Variants in DBR1 observed in about 807,000 individuals in gnomAD.
The protein encoded by DBR1 is lariat debranching enzyme.
In DBR1, 33 loss-of-function variants were observed where a neutral mutation model predicts 45.9. The observed-to-expected ratio is 0.72, with a 90% CI of 0.55 to 0.96. The LOEUF (loss-of-function observed/expected upper bound fraction) is 0.96. Among genes scored for constraint, DBR1 ranks in the 40% least tolerant of loss-of-function variants. DBR1 has a pLI of 0.00. For missense variants in DBR1, 619 were observed against 667.4 expected, an observed-to-expected ratio of 0.93 and a Z score of 0.80; for synonymous variants, 235 against 235.9, an observed-to-expected ratio of 1.00 and a Z score of 0.04.
Position 138,162,195 on chromosome 3 carries a change from T to C in DBR1, c.1329A>G (p.Ala443=). Residue 443 remains alanine (A), a synonymous_variant, in exon 8 of 8, where the codon GCA becomes GCG. Coordinates refer to ENST00000260803, the MANE Select transcript of DBR1 (RefSeq NM_016216.4). ...CCGATGGTGTATTCATGCCACTATG[T>C]GCACTTACAATACTATCTTCATCTT... The part of the protein sequence containing the change: ...EEEDEDSIVS[A]HSGMNTPSVE... 2 of 1,614,176 alleles carry C rather than the reference T, an allele frequency of 1.2e-6. No individual in the cohort carries two copies. Among genetic ancestry groups the C allele is most frequent in the Non-Finnish European group, 1.7e-6 (2 of 1,180,052 alleles).
intron 3 of DBR1, among the ~76,000 whole-genome samples, chr3:138,171,081 G>A (rs1319809593): frequency 6.6e-6 from 1 of 152,118 alleles, no homozygotes; most frequent in Admixed American, 6.6e-5. Context: ...CAAAGACAGG[G>A]AGGGAAGAAA....
intron 4 of DBR1, 26 bp downstream of exon 4, chr3:138,170,081 T>A (rs970731225): frequency 1.7e-5 from 24 of 1,382,468 alleles, no homozygotes; most frequent in Non-Finnish European, 2.4e-5. Context: ...TGTTTTCAAG[T>A]CTGCTGTAAT....
chr3:138,169,881 C>T (rs569162700), intron 4 of DBR1, among the ~76,000 whole-genome samples: 1 of 151,752 alleles, frequency 6.6e-6, no homozygotes, highest in East Asian at 1.9e-4. Context: ...TGCAGTGAGC[C>T]GAGATCGCGC....
At chr3:138,166,737 G>A (rs941411015) in intron 5 of DBR1, among the ~76,000 whole-genome samples, 2 of 152,042 alleles carry the variant, frequency 1.3e-5, no homozygotes, top group Admixed American at 6.6e-5. Flanking sequence ...CTCAGACCTC[G>A]AGCCTCTGCA....
chr3:138,174,820 C>G lies in DBR1; in HGVS notation c.-25G>C. Reference sequence around the variant, plus strand: ...TTCTGCCGGCCTGAGGAGGTGAGCGCTGCCTGCAACGCCCTACACCACAGC... The same window carrying G: ...TTCTGCCGGCCTGAGGAGGTGAGCGGTGCCTGCAACGCCCTACACCACAGC... On this transcript the variant is annotated 5_prime_UTR_variant, in exon 1 of 8. Coordinates refer to ENST00000260803, the MANE Select transcript of DBR1 (RefSeq NM_016216.4). 1 of 1,600,238 alleles carries G rather than the reference C, an allele frequency of 6.2e-7. No homozygotes were observed.
At chr3:138,166,883 A>C (rs1559883043) in intron 5 of DBR1, among the ~76,000 whole-genome samples, 198 bp downstream of exon 5, 1 of 152,184 alleles carries the variant, frequency 6.6e-6, no homozygotes, top group Non-Finnish European at 1.5e-5. Context: ...AGTCTGGCTT[A>C]GGTGCTCCCA....
chr3:138,166,208 A>T (rs960319408), intron 5 of DBR1, among the ~76,000 whole-genome samples: 2 of 152,212 alleles, frequency 1.3e-5, no homozygotes, highest in Non-Finnish European at 2.9e-5. Context: ...TTTCCTATGG[A>T]CTACTTTATG....
At chr3:138,173,697 AAAAG>A in intron 1 of DBR1, 71 bp from the exon 2 acceptor site, 2 of 1,486,768 alleles carry the variant, frequency 1.3e-6, no homozygotes, top group Non-Finnish European at 1.8e-6. Flanking sequence ...CCGAAAAAAA[AAAAG>A]AAACTGAGTT....
chr3:138,163,967 G>T, intron 5 of DBR1, 109 bp from the exon 6 acceptor site: 1 of 661,824 alleles, frequency 1.5e-6, no homozygotes, highest in Non-Finnish European at 2.5e-6. Context: ...CCCCTAAGTT[G>T]TGTGTCAAAG....
At position 138,167,565 on chromosome 3, in the gene DBR1, T is replaced by C. The variant is rs556737251; in HGVS notation, c.490-260A>G. On this transcript the variant is annotated intron_variant, in intron 4 of 7. Coordinates refer to ENST00000260803, the MANE Select transcript of DBR1 (RefSeq NM_016216.4). ...AAGGCAAGGCAATGGAGACAGACTCTGATTAGACTGCCAGTCATCTAAGAT... is the reference window on the plus strand; with the variant it reads ...AAGGCAAGGCAATGGAGACAGACTCCGATTAGACTGCCAGTCATCTAAGAT... Among the ~76,000 whole-genome samples the C allele has an allele frequency of 1.3e-4, 20 of 152,386 alleles. No individual in the cohort carries two copies. In the East Asian group the frequency reaches 3.1e-3, roughly 23 times the overall value.
intron 5 of DBR1, among the ~76,000 whole-genome samples, chr3:138,166,779 C>T (rs2042931889): frequency 6.6e-6 from 1 of 152,218 alleles, no homozygotes; most frequent in South Asian, 2.1e-4. Flanking sequence ...AATACCCTTA[C>T]AATGTGTTTC....
chr3:138,172,626 T>C (rs1184575251), intron 2 of DBR1, among the ~76,000 whole-genome samples: 1 of 152,092 alleles, frequency 6.6e-6, no homozygotes, highest in Non-Finnish European at 1.5e-5. Context: ...GCTATATAGT[T>C]TATAGGGGCC....
At chr3:138,169,957 T>A (rs926171165) in intron 4 of DBR1, 150 bp downstream of exon 4, 1 of 623,266 alleles carries the variant, frequency 1.6e-6, no homozygotes, top group Non-Finnish European at 2.8e-6. Context: ...AAAAGGTTCA[T>A]CTGTGAACCT....
At chr3:138,164,806 C>A (rs988183964) in intron 5 of DBR1, among the ~76,000 whole-genome samples, 2 of 152,164 alleles carry the variant, frequency 1.3e-5, no homozygotes, top group African/African-American at 2.4e-5. Context: ...GCTAACATGC[C>A]CAGCTAATTT....
In DBR1 at chr3:138,167,066, C is replaced by G; in HGVS notation, c.714+15G>C. On this transcript the variant is annotated intron_variant, in intron 5 of 7. Coordinates refer to ENST00000260803, the MANE Select transcript of DBR1 (RefSeq NM_016216.4). ...AGTGTGTGTTAAATGAAAGAATAAA[C>G]ATTTTGTTTTCTACCTGATGCTGCA... 1 of 1,608,756 alleles carries G rather than the reference C, an allele frequency of 6.2e-7. No individual in the cohort carries two copies. The highest frequency in any genetic ancestry group is 8.5e-7 in the Non-Finnish European group (1 of 1,175,250).
chr3:138,167,056 A>G (rs765907694), intron 5 of DBR1, 25 bp downstream of exon 5: 2 of 1,599,750 alleles, frequency 1.3e-6, no homozygotes, highest in Non-Finnish European at 1.7e-6. Context: ...GTGTTAAATG[A>G]AAGAATAAAC....
In DBR1 at chr3:138,174,648, G is replaced by A. The variant is rs760003643; in HGVS notation, c.148C>T (p.Arg50Cys). The A allele has an allele frequency of 6.2e-7, 1 of 1,611,876 alleles. No homozygotes were observed. Among genetic ancestry groups the A allele is most frequent in the South Asian group, 1.1e-5 (1 of 90,728 alleles). The change falls in exon 1 of 8, where the codon CGC (arginine) becomes TGC (cysteine). Residue 50 changes from arginine (R) to cysteine (C), a missense_variant. Physicochemically the swap from Arg to Cys is radical, Grantham distance 180 (BLOSUM62 -3). Around this residue, in one of 3 missense-constraint regions of DBR1, gnomAD observed 430 missense variants for 447.7 expected, o/e 0.96. Coordinates refer to ENST00000260803, the MANE Select transcript of DBR1 (RefSeq NM_016216.4). ...FQAVRNEADLRCMAVPPKYRH... is the reference protein window; with the variant it reads ...FQAVRNEADLCCMAVPPKYRH... ...TACTTGGGCGGCACGGCCATGCAGC[G>A]TAGATCCGCCTCGTTGCGCACCGCC...
chr3:138,163,653 C>T (rs1321959269), intron 6 of DBR1, 125 bp downstream of exon 6: 11 of 718,354 alleles, frequency 1.5e-5, no homozygotes, highest in Non-Finnish European at 2.2e-5. Context: ...AAGTAAGATA[C>T]CCCCAAAGAA....
chr3:138,174,723 G>A lies in DBR1; in HGVS notation c.73C>T (p.Arg25Trp), dbSNP rs540723626. 1.4e-4 allele frequency: 223 copies of A among 1,612,632 alleles called. 2 individuals carry two copies. The South Asian group carries it at 2.3e-3, about 17-fold the overall frequency. ...AGGTCGACAGGCCCCGGGCCGCGCC[G>A]CTCTGCCAGCGCCAGCGTCTCATAG... is the stretch of plus-strand genomic sequence containing the variant. ...KIYETLALAERRGPGPVDLLL... is the reference protein window; with the variant it reads ...KIYETLALAEWRGPGPVDLLL... The change falls in exon 1 of 8, where the codon CGG (arginine) becomes TGG (tryptophan). Residue 25 changes from arginine to tryptophan, a missense_variant. Coordinates refer to ENST00000260803, the MANE Select transcript of DBR1 (RefSeq NM_016216.4).
Sources: gnomAD v4.1 joint callset for allele counts (sites outside exome capture counted in the v4.1 genomes callset) on GRCh38, gnomAD v4.1.1 for gene constraint, gnomAD v4.1.1 regional missense constraint, MANE v1.5 for transcripts, NCBI Gene and HGNC (gene_info 2026-07-23, HGNC 2026-07-21) for gene names.